Variants in SLC35A3 observed in about 807,000 individuals in gnomAD.
The protein encoded by SLC35A3 is solute carrier family 35 member A3.
Under a neutral mutation model 39.0 loss-of-function variants are expected in SLC35A3, and 26 were observed. That is an observed-to-expected ratio of 0.67 (90% CI 0.49 to 0.92). The LOEUF (loss-of-function observed/expected upper bound fraction) is 0.92, where lower values mean the gene tolerates loss of function less well. Ranked by LOEUF, SLC35A3 falls within the 40% of genes least tolerant of loss-of-function variation. SLC35A3 has a pLI of 0.00. For missense variants in SLC35A3, 299 were observed against 371.6 expected (o/e 0.80, Z 1.61); for synonymous variants, 135 against 133.1 (o/e 1.01, Z -0.10).
At chr1:99,989,285 T>C (rs1308570184) in intron 1 of SLC35A3, among the ~76,000 whole-genome samples, 1 of 152,090 alleles carries the variant, frequency 6.6e-6, no homozygotes, top group Non-Finnish European at 1.5e-5. Flanking sequence ...TTTTTTTGTT[T>C]TGTTTTGTTT....
intron 5 of SLC35A3, among the ~76,000 whole-genome samples, 184 bp from the exon 6 acceptor site, chr1:100,015,118 A>C (rs1208223629): frequency 6.8e-6 from 1 of 148,060 alleles, no homozygotes; most frequent in African/African-American, 2.5e-5. Flanking sequence ...AGATTGTGCC[A>C]CTGCACTGCA....
intron 1 of SLC35A3, among the ~76,000 whole-genome samples, chr1:99,990,501 G>T (rs184371043): frequency 1.3e-5 from 2 of 152,268 alleles, no homozygotes; most frequent in Non-Finnish European, 2.9e-5. Flanking sequence ...TTGAACAAGG[G>T]TGTCAGAGGT....
intron 4 of SLC35A3, among the ~76,000 whole-genome samples, chr1:100,010,923 G>GT (rs906319786): frequency 3.3e-5 from 5 of 152,072 alleles, no homozygotes; most frequent in African/African-American, 1.2e-4. Context: ...TCCTGACAGT[G>GT]TTTGGGGGGG....
chr1:99,976,539 T>G (rs992114563), intron 1 of SLC35A3, among the ~76,000 whole-genome samples: 1 of 152,166 alleles, frequency 6.6e-6, no homozygotes, highest in Non-Finnish European at 1.5e-5. Flanking sequence ...CTATTCACAA[T>G]AGCAAAGACA....
Position 100,022,507 on chromosome 1 carries a change from A to T in SLC35A3, c.*31A>T. 1 of 1,151,312 alleles carries T rather than the reference A, an allele frequency of 8.7e-7. No homozygotes were observed. Among genetic ancestry groups the T allele is most frequent in the East Asian group, 2.4e-5 (1 of 42,190 alleles). The allele number at this position is 1,151,312 out of a possible 1,614,324, so 71.3% of individuals were successfully genotyped here. A position where few individuals can be genotyped will look rare whatever the true frequency, so the allele number is the denominator to read the frequency against. ...TACTATCTTTAACTGGTTTTTCACG[A>T]TGGGGCACTAGGAATCTCGACATTA... is the stretch of plus-strand genomic sequence containing the variant. On this transcript the variant is annotated 3_prime_UTR_variant, in exon 8 of 8. Coordinates refer to ENST00000533028, the MANE Select transcript of SLC35A3 (RefSeq NM_012243.3).
chr1:100,001,611 G>T (rs1046580458), intron 3 of SLC35A3, among the ~76,000 whole-genome samples: 8 of 151,046 alleles, frequency 5.3e-5, no homozygotes, highest in Non-Finnish European at 1.2e-4. Flanking sequence ...GAATCTTTAG[G>T]GTCCTCTCTA....
intron 2 of SLC35A3, among the ~76,000 whole-genome samples, chr1:99,995,213 C>A (rs553531333): frequency 6.7e-6 from 1 of 148,820 alleles, no homozygotes; most frequent in East Asian, 2.0e-4. Flanking sequence ...AGTGCAGTGG[C>A]ATGATCTTGG....
At chr1:100,003,232 A>C (rs1016921713) in intron 3 of SLC35A3, among the ~76,000 whole-genome samples, 1 of 152,046 alleles carries the variant, frequency 6.6e-6, no homozygotes, top group East Asian at 1.9e-4. Context: ...CCTGGCCAAC[A>C]TGGTGAAACA....
chr1:99,977,972 T>C (rs559555785), intron 1 of SLC35A3, among the ~76,000 whole-genome samples: 1 of 152,352 alleles, frequency 6.6e-6, no homozygotes, highest in Non-Finnish European at 1.5e-5. Context: ...TACGTTTCAG[T>C]TGGCATGTTT....
rs1262036593 is a variant in SLC35A3, at chr1:100,027,050, CT to C, written c.*4577del. 7.6e-6 allele frequency: 3 copies of C among 396,810 alleles called. No individual in the cohort carries two copies. Among genetic ancestry groups the C allele is most frequent in the African/African-American group, 2.1e-5 (1 of 48,594 alleles). 24.6% of individuals were successfully genotyped at this position (396,810 alleles called of 1,614,324 possible). ...CCTAACCTATGAATTAGTCTTCTCTCTTTATATATCAAAAATGAATTACTGA... is the reference window on the plus strand; with the variant it reads ...CCTAACCTATGAATTAGTCTTCTCTCTTATATATCAAAAATGAATTACTGA... On this transcript the variant is annotated 3_prime_UTR_variant, in exon 8 of 8. Transcript: ENST00000533028.
chr1:99,975,714 T>C (rs1373682412), intron 1 of SLC35A3, among the ~76,000 whole-genome samples: 1 of 152,104 alleles, frequency 6.6e-6, no homozygotes, highest in African/African-American at 2.4e-5. Context: ...GAGGGCTGTT[T>C]TATGTGAAGG....
At position 100,026,387 on chromosome 1, in the gene SLC35A3, G is replaced by A. The variant is rs956758574; in HGVS notation, c.*3911G>A. ...TATTTAAAGTAGTTATAGGAGCAGA[G>A]AACAAGCACCTTTATCAAAATCTGG... On this transcript the variant is annotated 3_prime_UTR_variant, in exon 8 of 8. Transcript: ENST00000533028. 1 of 152,168 alleles carries A rather than the reference G, an allele frequency of 6.6e-6. No homozygotes were observed. The highest frequency in any genetic ancestry group is 1.5e-5 in the Non-Finnish European group (1 of 68,008). 9.4% of individuals were successfully genotyped at this position (152,168 alleles called of 1,614,324 possible).
At chr1:99,979,754 T>C (rs1446570626) in intron 1 of SLC35A3, among the ~76,000 whole-genome samples, 2 of 150,562 alleles carry the variant, frequency 1.3e-5, no homozygotes, top group Admixed American at 1.3e-4. Context: ...TTTAAAAATA[T>C]TTTTCCAGGC....
At chr1:100,018,501 A>T (rs377134291) in intron 7 of SLC35A3, among the ~76,000 whole-genome samples, 2 of 152,108 alleles carry the variant, frequency 1.3e-5, no homozygotes, top group East Asian at 3.8e-4. Flanking sequence ...ATCTCCCAAG[A>T]ATCTTTTATT....
At position 100,024,992 on chromosome 1, in the gene SLC35A3, A is replaced by G. The variant is rs1490166733; in HGVS notation, c.*2516A>G. The stretch of plus-strand genomic sequence containing the variant: ...ACAGATTGCAGGTCTCATCAATTCC[A>G]TCCAAAGTTTAAAAGCATTTAAAAT... On this transcript the variant is annotated 3_prime_UTR_variant, in exon 8 of 8. Transcript: ENST00000533028. 3 of 291,616 alleles carry G rather than the reference A, an allele frequency of 1.0e-5. No homozygotes were observed. The highest frequency in any genetic ancestry group is 1.9e-5 in the Non-Finnish European group (3 of 160,386). The allele number at this position is 291,616 out of a possible 1,614,324, so 18.1% of individuals were successfully genotyped here. A position where few individuals can be genotyped will look rare whatever the true frequency, so the allele number is the denominator to read the frequency against.
chr1:100,002,494 T>C (rs1262800671), intron 3 of SLC35A3, among the ~76,000 whole-genome samples: 1 of 152,204 alleles, frequency 6.6e-6, no homozygotes, highest in African/African-American at 2.4e-5. Context: ...TCTTTTTTTC[T>C]TGGTTAGTCT....
chr1:100,017,307 G>A (rs1660220558), intron 6 of SLC35A3, among the ~76,000 whole-genome samples: 1 of 152,134 alleles, frequency 6.6e-6, no homozygotes, highest in African/African-American at 2.4e-5. Context: ...AAATGACTCT[G>A]ATTACTAATT....
In SLC35A3 at chr1:99,995,922, G is replaced by A. The variant is rs115531037; in HGVS notation, c.187+2181G>A. ...GGAAACGTAATAGCCAAACTGAGAT[G>A]GTAGTGTTTTTGCTGCTAAGGTATA... is the stretch of plus-strand genomic sequence containing the variant. On this transcript the variant is annotated intron_variant, in intron 2 of 7. Transcript: ENST00000533028. Among the ~76,000 whole-genome samples the A allele has an allele frequency of 4.7e-3, 720 of 152,324 alleles. 4 individuals are homozygous for A. Among genetic ancestry groups the A allele is most frequent in the African/African-American group, 0.016 (650 of 41,566 alleles).
rs568307773 is a variant in SLC35A3 at position 100,009,915 on chromosome 1, C to T, written c.466-1450C>T. Among the ~76,000 whole-genome samples the T allele has an allele frequency of 2.0e-4, 30 of 152,246 alleles. 1 individual carries two copies. The East Asian group carries it at 4.6e-3, about 23-fold the overall frequency. The stretch of plus-strand genomic sequence containing the variant: ...GATAGCAGCAACTGAAAATCTTGGA[C>T]TTGAGCTCAGAAGAGATGTCAGTGC... On this transcript the variant is annotated intron_variant, in intron 4 of 7. Transcript: ENST00000533028.
Sources: gnomAD v4.1 joint callset for allele counts (sites outside exome capture counted in the v4.1 genomes callset) on GRCh38, gnomAD v4.1.1 for gene constraint, MANE v1.5 for transcripts, NCBI Gene and HGNC (gene_info 2026-07-23, HGNC 2026-07-21) for gene names.